ANKRD27: variants seen among roughly 807,000 people sequenced by gnomAD.
ANKRD27 encodes ankyrin repeat domain 27.
Under a neutral mutation model 129.7 loss-of-function variants are expected in ANKRD27, and 112 were observed. That is an observed-to-expected ratio of 0.86 (90% CI 0.74 to 1.01). ANKRD27 has a LOEUF of 1.01. ANKRD27 is among the 50% of genes least tolerant of loss of function. ANKRD27 has a pLI of 0.00. For missense variants in ANKRD27, 1,258 were observed against 1,300.5 expected (o/e 0.97, Z 0.50); for synonymous variants, 516 against 511.2 (o/e 1.01, Z -0.13).
intron 2 of ANKRD27, among the ~76,000 whole-genome samples, 156 bp from the exon 3 acceptor site, chr19:32,649,948 C>A (rs895377120): frequency 5.3e-5 from 8 of 152,156 alleles, no homozygotes; most frequent in African/African-American, 1.9e-4. Context: ...ACAGTGGCTG[C>A]CAGCTGAGGT....
At chr19:32,614,767 G>C (rs918720936) in intron 22 of ANKRD27, among the ~76,000 whole-genome samples, 1 of 152,004 alleles carries the variant, frequency 6.6e-6, no homozygotes, top group African/African-American at 2.4e-5. Context: ...TGTGATGGTG[G>C]ATACATAAAC....
At chr19:32,646,905 A>C (rs973262538) in intron 3 of ANKRD27, among the ~76,000 whole-genome samples, 1 of 152,138 alleles carries the variant, frequency 6.6e-6, no homozygotes. Context: ...GGCTCACTGC[A>C]ACCTCCGCCT....
rs753376841 is a variant in ANKRD27 at position 32,646,544 on chromosome 19, G to A, written c.285C>T (p.Leu95=). Residue 95 remains leucine (L), a synonymous_variant, in exon 4 of 29, where the codon CTC becomes CTT. Coordinates refer to ENST00000306065, the MANE Select transcript of ANKRD27 (RefSeq NM_032139.3). ...GFACLLSVPI[L]FEETFYNEKE... ...TTTCATTGTAGAAAGTTTCTTCAAA[G>A]AGAATGGGCACTGAGAGAAGACAGG... 1 of 1,614,110 alleles carries A rather than the reference G, an allele frequency of 6.2e-7. No homozygotes were observed. The highest frequency in any genetic ancestry group is 1.7e-5 in the Admixed American group (1 of 59,998).
Position 32,619,353 on chromosome 19 carries a change from G to A in ANKRD27, c.1914C>T (p.Ser638=), listed in dbSNP as rs34174163. 3.0e-3 allele frequency: 4,775 copies of A among 1,613,628 alleles called. 105 individuals are homozygous for A. The African/African-American group carries it at 0.048, about 16-fold the overall frequency. ...SEAPVQSPQR[S]VDSISQESST... ...AGGACTCTTGGCTGATGGAGTCCAC[G>A]GAGCGCTGCGGGGACTGCACAGGGG... Residue 638 remains serine (S), a synonymous_variant, in exon 20 of 29, where the codon TCC becomes TCT. Coordinates refer to ENST00000306065, the MANE Select transcript of ANKRD27 (RefSeq NM_032139.3).
At chr19:32,609,930 C>G (rs969806771) in intron 22 of ANKRD27, among the ~76,000 whole-genome samples, 5 of 152,074 alleles carry the variant, frequency 3.3e-5, no homozygotes, top group African/African-American at 4.8e-5. Flanking sequence ...AATCTCAGCA[C>G]TTTGGGAGGC....
At chr19:32,673,552 T>C in intron 1 of ANKRD27, 1 of 597,132 alleles carries the variant, frequency 1.7e-6, no homozygotes, top group Non-Finnish European at 2.1e-6. Context: ...TTCCTCACCC[T>C]CTGCTGTCTC....
chr19:32,630,415 G>T (rs955492560), intron 13 of ANKRD27, among the ~76,000 whole-genome samples: 17 of 152,220 alleles, frequency 1.1e-4, no homozygotes. Context: ...AGACCACCAG[G>T]AAGTCAGGCA....
intron 2 of ANKRD27, among the ~76,000 whole-genome samples, chr19:32,654,761 GTTTT>G (rs1378688363): frequency 1.3e-5 from 2 of 152,016 alleles, no homozygotes; most frequent in Non-Finnish European, 2.9e-5. Flanking sequence ...GCACGGGAGG[GTTTT>G]TTGTTTGTTT....
intron 24 of ANKRD27, among the ~76,000 whole-genome samples, chr19:32,604,980 G>T (rs552558069): frequency 2.0e-5 from 3 of 152,130 alleles, no homozygotes; most frequent in African/African-American, 7.2e-5. Context: ...GCTGAGGCAG[G>T]AGAATCGCTT....
chr19:32,610,875 G>A (rs1484937410), intron 22 of ANKRD27, among the ~76,000 whole-genome samples: 1 of 152,178 alleles, frequency 6.6e-6, no homozygotes, highest in East Asian at 1.9e-4. Context: ...AGGACTTTGG[G>A]AGGCTGGGGC....
intron 13 of ANKRD27, among the ~76,000 whole-genome samples, chr19:32,630,238 G>A (rs1476258197): frequency 1.3e-5 from 2 of 152,216 alleles, no homozygotes; most frequent in Admixed American, 6.5e-5. Flanking sequence ...TCCTGGACGT[G>A]CTCATTCCCC....
intron 1 of ANKRD27, among the ~76,000 whole-genome samples, chr19:32,666,639 CTATTTT>C (rs1967762105): frequency 2.7e-5 from 3 of 112,018 alleles, no homozygotes; most frequent in Non-Finnish European, 3.5e-5. Context: ...AATCAGATTT[CTATTTT>C]TTTTTTTTTT....
At chr19:32,610,819 T>G (rs1971824569) in intron 22 of ANKRD27, among the ~76,000 whole-genome samples, 1 of 151,088 alleles carries the variant, frequency 6.6e-6, no homozygotes, top group Non-Finnish European at 1.5e-5. Context: ...AGTAATACAT[T>G]AAACACCACT....
At position 32,639,414 on chromosome 19, in the gene ANKRD27, G is replaced by T. The variant is rs909094541; in HGVS notation, c.1058C>A (p.Thr353Asn). Residue 353 changes from threonine to asparagine, a missense_variant, in exon 12 of 29, where the codon ACC becomes AAC. Physicochemically the swap from Thr to Asn is moderately conservative, Grantham distance 65 (BLOSUM62 0). Coordinates refer to ENST00000306065, the MANE Select transcript of ANKRD27 (RefSeq NM_032139.3). Reference sequence around the variant, plus strand: ...ATATTCAATGGCAGCTTCGAATGAGGTCAGGCAGTATCCCAGTTCATCCTT... The same window carrying T: ...ATATTCAATGGCAGCTTCGAATGAGTTCAGGCAGTATCCCAGTTCATCCTT... The part of the protein sequence containing the change: ...LAKDELGYCL[T>N]SFEAAIEYIR... The T allele has an allele frequency of 1.2e-6, 2 of 1,614,086 alleles. No individual in the cohort carries two copies. The highest frequency in any genetic ancestry group is 2.7e-5 in the African/African-American group (2 of 74,926).
intron 11 of ANKRD27, 42 bp downstream of exon 11, chr19:32,640,265 G>A (rs1967172372): frequency 1.3e-6 from 2 of 1,553,910 alleles, no homozygotes; most frequent in African/African-American, 1.4e-5. Flanking sequence ...GCCCGGCCAA[G>A]CACTGCCATT....
chr19:32,669,809 CA>C, intron 1 of ANKRD27, among the ~76,000 whole-genome samples: 1 of 151,980 alleles, frequency 6.6e-6, no homozygotes, highest in East Asian at 1.9e-4. Context: ...CCACCCTGGC[CA>C]AAATGGTGAA....
chr19:32,612,651 C>T (rs1971851667), intron 22 of ANKRD27, among the ~76,000 whole-genome samples: 1 of 152,130 alleles, frequency 6.6e-6, no homozygotes, highest in Admixed American at 6.5e-5. Context: ...AATAGATCCA[C>T]ACAATCTATA....
At chr19:32,600,176 T>G (rs1181735360) in intron 26 of ANKRD27, 126 bp from the exon 27 acceptor site, 2 of 724,016 alleles carry the variant, frequency 2.8e-6, no homozygotes, top group African/African-American at 3.6e-5. Context: ...AGCACTGAAT[T>G]TGCTTAAAGA....
chr19:32,631,352 T>C (rs904846083), intron 13 of ANKRD27, 50 bp downstream of exon 13: 1 of 1,510,798 alleles, frequency 6.6e-7, no homozygotes, highest in Non-Finnish European at 9.2e-7. Flanking sequence ...CACCAAGAGA[T>C]GCAGTGTTCC....
Sources: gnomAD v4.1 joint callset for allele counts (sites outside exome capture counted in the v4.1 genomes callset) on GRCh38, gnomAD v4.1.1 for gene constraint, MANE v1.5 for transcripts, NCBI Gene and HGNC (gene_info 2026-07-23, HGNC 2026-07-21) for gene names.